Variants in PAPPA2 observed in about 807,000 individuals in gnomAD.
The protein encoded by PAPPA2 is pappalysin 2.
In PAPPA2, 86 loss-of-function variants were observed where a neutral mutation model predicts 176.4. The ratio of observed to expected loss-of-function variants is 0.49; its 90% CI spans 0.41 to 0.58. The LOEUF (loss-of-function observed/expected upper bound fraction) is 0.58. Among genes scored for constraint, PAPPA2 ranks in the 20% least tolerant of loss-of-function variants. The pLI is 0.00. For missense variants in PAPPA2, 2,073 were observed against 2,256.9 expected (o/e 0.92, Z 1.65); for synonymous variants, 809 against 852.2 (o/e 0.95, Z 0.88).
chr1:176,587,367 G>A (rs1016105333), intron 2 of PAPPA2, among the ~76,000 whole-genome samples: 1 of 152,154 alleles, frequency 6.6e-6, no homozygotes, highest in Admixed American at 6.5e-5. Context: ...CTTTGCCCAT[G>A]CCTATGTTCT....
At chr1:176,841,141 C>T (rs147883028) in intron 22 of PAPPA2, among the ~76,000 whole-genome samples, 2 of 152,222 alleles carry the variant, frequency 1.3e-5, no homozygotes, top group East Asian at 3.9e-4. Flanking sequence ...CTGTCTTTTG[C>T]TCTAAAAACC....
At chr1:176,652,652 T>C (rs951765384) in intron 3 of PAPPA2, among the ~76,000 whole-genome samples, 1 of 151,700 alleles carries the variant, frequency 6.6e-6, no homozygotes, top group Non-Finnish European at 1.5e-5. Flanking sequence ...CTCTCTTCAT[T>C]GTCTCTGGCT....
intron 3 of PAPPA2, among the ~76,000 whole-genome samples, chr1:176,599,316 TTTGTTGAACACTGTTCAA>T (rs1414652786): frequency 6.6e-6 from 1 of 152,110 alleles, no homozygotes; most frequent in Admixed American, 6.5e-5. Context: ...TTATTGTTCT[TTTGTTGAACACTGTTCAA>T]TTTGGACACT....
intron 12 of PAPPA2, among the ~76,000 whole-genome samples, chr1:176,728,366 G>A (rs1176369794): frequency 6.6e-6 from 1 of 151,744 alleles, no homozygotes; most frequent in Non-Finnish European, 1.5e-5. Context: ...ACAAAATTAA[G>A]GTGAAAATAA....
intron 16 of PAPPA2, 69 bp from the exon 17 acceptor site, chr1:176,770,898 T>A: frequency 6.8e-7 from 1 of 1,461,374 alleles, no homozygotes; most frequent in Non-Finnish European, 9.5e-7. Context: ...GGTTTTTATT[T>A]CATCTGCTAT....
At position 176,690,394 on chromosome 1, in the gene PAPPA2, C is replaced by G. The variant is rs1192409900; in HGVS notation, c.2395C>G (p.Pro799Ala). Reference sequence around the variant, plus strand: ...TGACACCTGTGGCTTCACTCGCTTCCCAGGGGCTCCGTTCACCAACTACAT... The same window carrying G: ...TGACACCTGTGGCTTCACTCGCTTCGCAGGGGCTCCGTTCACCAACTACAT... ...TSDTCGFTRF[P>A]GAPFTNYMSY... Residue 799 changes from proline (P) to alanine (A), a missense_variant, in exon 5 of 23, where the codon CCA becomes GCA. Pro to Ala is a conservative substitution (Grantham distance 27, BLOSUM62 -1). Around this residue, in one of 4 missense-constraint regions of PAPPA2, gnomAD observed 1,196 missense variants for 1,330.4 expected, o/e 0.90. Coordinates refer to ENST00000367662, the MANE Select transcript of PAPPA2 (RefSeq NM_020318.3). 4 of 1,614,120 alleles carry G rather than the reference C, an allele frequency of 2.5e-6. No individual in the cohort carries two copies. The South Asian group carries it at 4.4e-5, about 18-fold the overall frequency.
chr1:176,485,757 A>G (rs1174788098), intron 1 of PAPPA2, among the ~76,000 whole-genome samples: 1 of 152,168 alleles, frequency 6.6e-6, no homozygotes, highest in Non-Finnish European at 1.5e-5. Context: ...TCTTAAATTC[A>G]GTGATTGGGA....
chr1:176,706,471 C>A, intron 10 of PAPPA2, 21 bp downstream of exon 10: 1 of 1,600,676 alleles, frequency 6.2e-7, no homozygotes, highest in Non-Finnish European at 8.6e-7. Context: ...GAGTTTCAGT[C>A]TAAGATTGTG....
intron 17 of PAPPA2, among the ~76,000 whole-genome samples, chr1:176,775,740 G>T (rs189939010): frequency 6.6e-6 from 1 of 152,280 alleles, no homozygotes; most frequent in Admixed American, 6.5e-5. Context: ...TCGCTACCAT[G>T]TACAGCCAAG....
chr1:176,464,633 C>G (rs1572934776), intron 1 of PAPPA2, among the ~76,000 whole-genome samples: 2 of 152,310 alleles, frequency 1.3e-5, no homozygotes, highest in Non-Finnish European at 2.9e-5. Context: ...CCCAAACTCT[C>G]TCTAGCTGCC....
chr1:176,545,420 AAATAAATAAAT>A (rs1650580743), intron 1 of PAPPA2, among the ~76,000 whole-genome samples: 1 of 91,408 alleles, frequency 1.1e-5, no homozygotes, highest in African/African-American at 4.7e-5. Context: ...CAGAAAAAAT[AAATAAATAAAT>A]AAATAAATAA....
At chr1:176,612,220 C>A (rs1654967352) in intron 3 of PAPPA2, among the ~76,000 whole-genome samples, 1 of 151,962 alleles carries the variant, frequency 6.6e-6, no homozygotes, top group South Asian at 2.1e-4. Context: ...ATGGTGGAAC[C>A]CCGTCTCTGC....
intron 20 of PAPPA2, among the ~76,000 whole-genome samples, chr1:176,795,573 T>C (rs139146799): frequency 7.6e-4 from 116 of 152,318 alleles, no homozygotes; most frequent in Middle Eastern, 3.4e-3. Context: ...TCATGGAGAA[T>C]TTTTTTAACA....
intron 12 of PAPPA2, among the ~76,000 whole-genome samples, chr1:176,732,018 T>TA (rs1286663152): frequency 6.6e-6 from 1 of 152,120 alleles, no homozygotes; most frequent in African/African-American, 2.4e-5. Flanking sequence ...GTTTATAATT[T>TA]AAAAAATATA....
intron 3 of PAPPA2, among the ~76,000 whole-genome samples, chr1:176,667,748 G>C (rs964410100): frequency 1.3e-5 from 2 of 152,130 alleles, no homozygotes; most frequent in Non-Finnish European, 2.9e-5. Context: ...TTTTGATACT[G>C]ATTCAACTTC....
At chr1:176,615,804 T>C (rs1655188551) in intron 3 of PAPPA2, among the ~76,000 whole-genome samples, 1 of 152,192 alleles carries the variant, frequency 6.6e-6, no homozygotes, top group Non-Finnish European at 1.5e-5. Context: ...ACTTTCAATG[T>C]TTGAAATGAC....
At chr1:176,483,376 A>G (rs1652496564) in intron 1 of PAPPA2, among the ~76,000 whole-genome samples, 1 of 152,070 alleles carries the variant, frequency 6.6e-6, no homozygotes, top group South Asian at 2.1e-4. Context: ...GAAGTACTAA[A>G]TGCAAAAAGC....
At chr1:176,643,174 T>C (rs1657195948) in intron 3 of PAPPA2, among the ~76,000 whole-genome samples, 1 of 151,918 alleles carries the variant, frequency 6.6e-6, no homozygotes, top group African/African-American at 2.4e-5. Flanking sequence ...TATTACTTTA[T>C]GCTACAGATG....
chr1:176,503,099 C>T (rs1386318481), intron 1 of PAPPA2, among the ~76,000 whole-genome samples: 2 of 152,098 alleles, frequency 1.3e-5, no homozygotes, highest in Non-Finnish European at 2.9e-5. Context: ...ATAAAGGTGT[C>T]AGAGGGCTAT....
Sources: allele counts gnomAD v4.1 joint callset (sites outside exome capture counted in the v4.1 genomes callset), GRCh38; gene constraint gnomAD v4.1.1; regional missense constraint gnomAD v4.1.1; transcripts MANE v1.5; gene names NCBI Gene and HGNC (gene_info 2026-07-23, HGNC 2026-07-21).